The following RALGPS2 variants were observed in gnomAD, a reference collection of about 807,000 sequenced individuals.
RALGPS2 encodes Ral GEF with PH domain and SH3 binding motif 2.
Under a neutral mutation model 86.8 loss-of-function variants are expected in RALGPS2, and 43 were observed. The ratio of observed to expected loss-of-function variants is 0.50; its 90% confidence interval spans 0.39 to 0.64. RALGPS2 has a LOEUF of 0.64. Ranked by LOEUF, RALGPS2 falls within the 30% of genes least tolerant of loss-of-function variation. The probability of loss-of-function intolerance (pLI) is 0.00; values close to 1 mark genes in which losing one functional copy is unlikely to be tolerated. For missense variants in RALGPS2, 536 were observed against 694.6 expected (o/e 0.77, Z 2.57); for synonymous variants, 243 against 231.3 (o/e 1.05, Z -0.46).
intron 9 of RALGPS2, 94 bp downstream of exon 9, chr1:178,877,729 G>A (rs1238688649): frequency 7.0e-7 from 1 of 1,430,270 alleles, no homozygotes; most frequent in Non-Finnish European, 9.6e-7. Flanking sequence ...CACAGCAGGG[G>A]ACATCAATTT....
chr1:178,726,661 T>C (rs1201245928), intron 1 of RALGPS2, among the ~76,000 whole-genome samples: 3 of 152,166 alleles, frequency 2.0e-5, no homozygotes, highest in South Asian at 2.1e-4. Flanking sequence ...GGATTTTTTT[T>C]CCCCAACACT....
intron 4 of RALGPS2, among the ~76,000 whole-genome samples, chr1:178,791,167 C>G (rs1167780898): frequency 6.6e-6 from 1 of 152,144 alleles, no homozygotes; most frequent in Non-Finnish European, 1.5e-5. Context: ...ATTGCCCAGG[C>G]TGGATTGCAG....
intron 4 of RALGPS2, among the ~76,000 whole-genome samples, chr1:178,791,532 T>C (rs139012163): frequency 6.6e-6 from 1 of 152,328 alleles, no homozygotes; most frequent in Non-Finnish European, 1.5e-5. Context: ...TTTTGAAGAA[T>C]ATAGATTCTG....
intron 8 of RALGPS2, among the ~76,000 whole-genome samples, chr1:178,839,346 A>G (rs1371870757): frequency 2.0e-5 from 3 of 152,196 alleles, no homozygotes; most frequent in East Asian, 1.9e-4. Flanking sequence ...GAAGAGAGTG[A>G]GGGCCAATAT....
intron 18 of RALGPS2, 145 bp from the exon 19 acceptor site, chr1:178,906,631 G>A: frequency 4.9e-6 from 3 of 612,306 alleles, no homozygotes; most frequent in Non-Finnish European, 8.5e-6. Context: ...AATAAAAATA[G>A]GAAATACAAT....
chr1:178,844,683 T>C (rs1443321711), intron 8 of RALGPS2, among the ~76,000 whole-genome samples: 4 of 152,198 alleles, frequency 2.6e-5, no homozygotes, highest in African/African-American at 4.8e-5. Context: ...ACAACACTTA[T>C]TTGTTCTTGT....
intron 7 of RALGPS2, among the ~76,000 whole-genome samples, chr1:178,822,016 A>T (rs1572367204): frequency 6.6e-6 from 1 of 152,328 alleles, no homozygotes. Flanking sequence ...ATACAAAAAA[A>T]TTGCATTTAA....
At chr1:178,839,046 C>T (rs998428102) in intron 8 of RALGPS2, among the ~76,000 whole-genome samples, 7 of 152,178 alleles carry the variant, frequency 4.6e-5, no homozygotes, top group East Asian at 1.9e-4. Context: ...TTGGTATACC[C>T]GAAAGTGACA....
At chr1:178,820,945 G>T (rs1655469258) in intron 6 of RALGPS2, among the ~76,000 whole-genome samples, 1 of 152,176 alleles carries the variant, frequency 6.6e-6, no homozygotes, top group African/African-American at 2.4e-5. Context: ...GACAGGACTT[G>T]CAGGATATAA....
intron 8 of RALGPS2, among the ~76,000 whole-genome samples, chr1:178,861,924 G>A (rs989145864): frequency 6.6e-6 from 1 of 152,126 alleles, no homozygotes; most frequent in Non-Finnish European, 1.5e-5. Flanking sequence ...CCAGGCTGGA[G>A]TGCAGTGGTG....
chr1:178,814,378 C>T lies in RALGPS2; in HGVS notation c.387+2974C>T, dbSNP rs184328775. On this transcript the variant is annotated intron_variant, in intron 6 of 19. Transcript: ENST00000367635. ...TATGAGTCTCTTGGTGCTTATGTGA[C>T]GGTTGAAGCCCTAGAAATACAGAGT... 5.3e-5 allele frequency among the ~76,000 whole-genome samples: 8 copies of T among 152,226 alleles called. No individual in the cohort carries two copies. The South Asian group carries it at 8.3e-4, about 16-fold the overall frequency.
At chr1:178,876,186 A>T (rs780641714) in intron 8 of RALGPS2, among the ~76,000 whole-genome samples, 2 of 152,208 alleles carry the variant, frequency 1.3e-5, no homozygotes, top group Non-Finnish European at 2.9e-5. Flanking sequence ...GCCTTAAATG[A>T]GTTTGCAGTC....
chr1:178,784,761 A>G (rs111588321), intron 3 of RALGPS2, among the ~76,000 whole-genome samples: 9 of 152,174 alleles, frequency 5.9e-5, no homozygotes, highest in African/African-American at 2.2e-4. Flanking sequence ...GTAAGTAGCA[A>G]TATGTATTTA....
intron 8 of RALGPS2, among the ~76,000 whole-genome samples, chr1:178,876,992 A>C (rs1040356878): frequency 1.3e-5 from 2 of 152,156 alleles, no homozygotes; most frequent in African/African-American, 4.8e-5. Context: ...TCAAGGCAAG[A>C]GAGTAAAAAC....
chr1:178,827,151 G>GAATAAGATAC (rs1288976580), intron 7 of RALGPS2, among the ~76,000 whole-genome samples: 1 of 152,138 alleles, frequency 6.6e-6, no homozygotes, highest in Non-Finnish European at 1.5e-5. Context: ...GAAAGAAATT[G>GAATAAGATAC]AATAAGATAC....
rs1211949915 is a variant in RALGPS2, at chr1:178,843,665, AAAG to A, written c.607+10118_607+10120del. Among the ~76,000 whole-genome samples the A allele has an allele frequency of 7.3e-5, 11 of 151,582 alleles. No homozygotes were observed. The East Asian group carries it at 9.7e-4, about 13-fold the overall frequency. On this transcript the variant is annotated intron_variant, in intron 8 of 19. Transcript: ENST00000367635. ...ACTTAAAGTATAATTAAAAAAAAAA[AAAG>A]AAAGAAAGAAACCAAAAAGGGAAAA...
intron 13 of RALGPS2, 25 bp downstream of exon 13, chr1:178,886,145 T>TTGCAA: frequency 6.3e-7 from 1 of 1,594,426 alleles, no homozygotes; most frequent in Non-Finnish European, 8.5e-7. Flanking sequence ...TCTGAGAGGG[T>TTGCAA]TGCAATTTAA....
chr1:178,818,351 C>G (rs998681525), intron 6 of RALGPS2, among the ~76,000 whole-genome samples: 1 of 152,118 alleles, frequency 6.6e-6, no homozygotes. Context: ...CAGAGCGAGA[C>G]CACGTCTCAA....
intron 17 of RALGPS2, 75 bp downstream of exon 17, chr1:178,897,831 G>A: frequency 8.1e-7 from 1 of 1,235,612 alleles, no homozygotes; most frequent in Non-Finnish European, 1.1e-6. Flanking sequence ...AGTCCTAATG[G>A]GATACAAAGG....
Sources: gnomAD v4.1 joint callset for allele counts (sites outside exome capture counted in the v4.1 genomes callset) on GRCh38, gnomAD v4.1.1 for gene constraint, MANE v1.5 for transcripts, NCBI Gene and HGNC (gene_info 2026-07-23, HGNC 2026-07-21) for gene names.